CCDC91: variants seen among roughly 807,000 people sequenced by gnomAD.
CCDC91 encodes coiled-coil domain containing 91.
CCDC91 carries 48 observed loss-of-function variants against 63.2 expected under a neutral mutation model. The ratio of observed to expected loss-of-function variants is 0.76; its 90% CI spans 0.60 to 0.97. CCDC91 has a LOEUF of 0.97. Among genes scored for constraint, CCDC91 ranks in the 50% least tolerant of loss-of-function variants. CCDC91 has a pLI of 0.00. For synonymous variants in CCDC91, 167 were observed against 165.8 expected, an observed-to-expected ratio of 1.01 and a Z score of -0.06; for missense variants, 500 against 494.6, an observed-to-expected ratio of 1.01 and a Z score of -0.10.
At chr12:28,310,532 T>C (rs1302986396) in intron 6 of CCDC91, among the ~76,000 whole-genome samples, 1 of 152,028 alleles carries the variant, frequency 6.6e-6, no homozygotes, top group Non-Finnish European at 1.5e-5. Context: ...CTCTCCTTTT[T>C]ATAGCATGGG....
intron 6 of CCDC91, among the ~76,000 whole-genome samples, chr12:28,314,444 G>C (rs1939636797): frequency 6.6e-6 from 1 of 152,038 alleles, no homozygotes; most frequent in African/African-American, 2.4e-5. Context: ...AGTTGGTTAA[G>C]GGGTAGATTA....
chr12:28,379,716 T>C (rs1026459219), intron 7 of CCDC91, among the ~76,000 whole-genome samples: 1 of 152,162 alleles, frequency 6.6e-6, no homozygotes, highest in Admixed American at 6.5e-5. Context: ...GGAGTGTATA[T>C]TAGTTCAACC....
intron 1 of CCDC91, among the ~76,000 whole-genome samples, chr12:28,232,986 A>G (rs1944701649): frequency 6.6e-6 from 1 of 152,032 alleles, no homozygotes; most frequent in African/African-American, 2.4e-5. Flanking sequence ...AAAAAAAAAA[A>G]AAAAAATATC....
At chr12:28,390,709 T>C (rs1266588796) in intron 7 of CCDC91, among the ~76,000 whole-genome samples, 1 of 151,982 alleles carries the variant, frequency 6.6e-6, no homozygotes, top group Non-Finnish European at 1.5e-5. Context: ...GCCTTGAGAC[T>C]CTTGACTTAC....
intron 8 of CCDC91, among the ~76,000 whole-genome samples, chr12:28,398,658 G>A (rs557374325): frequency 6.6e-6 from 1 of 152,162 alleles, no homozygotes; most frequent in African/African-American, 2.4e-5. Context: ...TCTTTGATCT[G>A]CTCTCTCAGC....
chr12:28,522,936 A>G (rs1356040339), intron 12 of CCDC91, among the ~76,000 whole-genome samples: 1 of 152,152 alleles, frequency 6.6e-6, no homozygotes, highest in Admixed American at 6.5e-5. Flanking sequence ...GTGGTCTGAG[A>G]GACAGTTTGT....
chr12:28,472,662 A>G (rs1370185081), intron 11 of CCDC91, among the ~76,000 whole-genome samples: 12 of 152,210 alleles, frequency 7.9e-5, no homozygotes, highest in Non-Finnish European at 4.4e-5. Flanking sequence ...CTTTTCACAC[A>G]GACAAGTATG....
intron 6 of CCDC91, among the ~76,000 whole-genome samples, chr12:28,358,079 G>A (rs10743619): frequency 0.96 from 145,654 of 152,222 alleles, 70,003 homozygotes; most frequent in East Asian, 1. Context: ...TAATTGATCT[G>A]TTTGTAACAT....
chr12:28,517,512 G>A (rs566504854), intron 12 of CCDC91, among the ~76,000 whole-genome samples: 104 of 152,022 alleles, frequency 6.8e-4, no homozygotes, highest in Non-Finnish European at 1.3e-3. Flanking sequence ...AAACAATGTT[G>A]TCAAATTTGA....
intron 6 of CCDC91, among the ~76,000 whole-genome samples, chr12:28,359,141 G>A (rs1427622440): frequency 2.6e-5 from 4 of 152,024 alleles, no homozygotes; most frequent in East Asian, 1.9e-4. Context: ...TGATCTGCCC[G>A]CCTCAGCCTC....
chr12:28,203,350 T>C (rs1237267552), intron 1 of CCDC91, among the ~76,000 whole-genome samples: 1 of 152,170 alleles, frequency 6.6e-6, no homozygotes, highest in Non-Finnish European at 1.5e-5. Flanking sequence ...TGGAGTTCCT[T>C]AACTCCACTA....
intron 12 of CCDC91, among the ~76,000 whole-genome samples, chr12:28,489,195 C>T (rs191055020): frequency 8.9e-4 from 136 of 152,000 alleles, no homozygotes; most frequent in South Asian, 4.1e-4. Flanking sequence ...TCTTATGCCT[C>T]AGGGTAACTA....
At chr12:28,289,684 T>TA (rs1949108474) in intron 3 of CCDC91, among the ~76,000 whole-genome samples, 1 of 81,758 alleles carries the variant, frequency 1.2e-5, no homozygotes, top group Non-Finnish European at 2.9e-5. Flanking sequence ...TCTTTTCTTT[T>TA]CTTTTTTTTT....
At chr12:28,435,550 T>C (rs1203814303) in intron 8 of CCDC91, among the ~76,000 whole-genome samples, 1 of 151,890 alleles carries the variant, frequency 6.6e-6, no homozygotes, top group Non-Finnish European at 1.5e-5. Flanking sequence ...TGCTAGTGAA[T>C]GTTCCATTTG....
intron 11 of CCDC91, among the ~76,000 whole-genome samples, chr12:28,467,771 C>G (rs772700385): frequency 6.6e-6 from 1 of 151,870 alleles, no homozygotes; most frequent in Non-Finnish European, 1.5e-5. Flanking sequence ...CTTCTCTGAC[C>G]AGAATGGAAT....
At chr12:28,466,773 G>A (rs1219604915) in intron 11 of CCDC91, among the ~76,000 whole-genome samples, 3 of 152,104 alleles carry the variant, frequency 2.0e-5, no homozygotes, top group Non-Finnish European at 4.4e-5. Context: ...TCATCTGAAT[G>A]TGCAAAACTC....
chr12:28,506,540 G>T (rs1938736387), intron 12 of CCDC91, among the ~76,000 whole-genome samples: 1 of 151,960 alleles, frequency 6.6e-6, no homozygotes, highest in Non-Finnish European at 1.5e-5. Context: ...AGAAATAAAT[G>T]CTGGAAGCTA....
rs1943225107 is a variant in CCDC91, at chr12:28,550,013, A to G, written c.*840A>G. ...CTTAATTCACAGGCAGGATGCTTCA[A>G]TGCAAAATCATGAATATTTTTAATT... is the stretch of plus-strand genomic sequence containing the variant. On this transcript the variant is annotated 3_prime_UTR_variant, in exon 13 of 13. Transcript: ENST00000536442. 1 of 152,496 alleles carries G rather than the reference A, an allele frequency of 6.6e-6. No individual in the cohort carries two copies. The highest frequency in any genetic ancestry group is 2.1e-4 in the South Asian group (1 of 4,824). 9.4% of individuals were successfully genotyped at this position (152,496 alleles called of 1,614,324 possible). A position where few individuals can be genotyped will look rare whatever the true frequency, so the allele number is the denominator to read the frequency against.
intron 1 of CCDC91, among the ~76,000 whole-genome samples, chr12:28,234,265 A>G (rs1272303912): frequency 2.0e-5 from 3 of 152,072 alleles, no homozygotes; most frequent in Non-Finnish European, 4.4e-5. Context: ...AGGTCTCCTT[A>G]TTGGAATTTA....
Sources: gnomAD v4.1 joint callset for allele counts (sites outside exome capture counted in the v4.1 genomes callset) on GRCh38, gnomAD v4.1.1 for gene constraint, MANE v1.5 for transcripts, NCBI Gene and HGNC (gene_info 2026-07-23, HGNC 2026-07-21) for gene names.